Variants in OTOGL observed in about 807,000 individuals in gnomAD.
OTOGL encodes otogelin like.
OTOGL carries 285 observed loss-of-function variants against 318.5 expected under a neutral mutation model. The observed-to-expected ratio is 0.89, with a 90% CI of 0.81 to 0.99. The LOEUF is 0.99. OTOGL is among the 50% of genes least tolerant of loss of function. OTOGL has a pLI of 0.00. For synonymous variants in OTOGL, 987 were observed against 936.5 expected (o/e 1.05, Z -0.99); for missense variants, 2,899 against 2,845.6 (o/e 1.02, Z -0.43).
rs75306045 is a variant in OTOGL, at chr12:80,172,000, A to G, written c.-19-37413A>G. 1.3e-3 allele frequency among the ~76,000 whole-genome samples: 192 copies of G among 152,284 alleles called. 3 individuals carry two copies. In the East Asian group the frequency reaches 0.031, roughly 25 times the overall value. On this transcript the variant is annotated intron_variant, in intron 1 of 58. Transcript: ENST00000547103. The stretch of plus-strand genomic sequence containing the variant: ...TTCCAAGATAGACATATAATGCTAT[A>G]AGTTTTTATCTAGGTACTGCTTTAA...
At chr12:80,357,242 T>C (rs1181910634) in intron 49 of OTOGL, among the ~76,000 whole-genome samples, 3 of 152,184 alleles carry the variant, frequency 2.0e-5, no homozygotes, top group Non-Finnish European at 4.4e-5. Flanking sequence ...AATAATGGGC[T>C]CTGCTAAGAC....
At chr12:80,363,404 A>T (rs1031701458) in intron 52 of OTOGL, among the ~76,000 whole-genome samples, 5 of 152,184 alleles carry the variant, frequency 3.3e-5, no homozygotes, top group African/African-American at 1.2e-4. Context: ...AGGGCAGGAG[A>T]TCAGCAAAGA....
intron 17 of OTOGL, 83 bp downstream of exon 17, chr12:80,256,543 ATC>A: frequency 6.8e-7 from 1 of 1,465,190 alleles, no homozygotes; most frequent in Non-Finnish European, 9.1e-7. Context: ...ACAAAATGGG[ATC>A]TTTTCCTAAT....
At chr12:80,359,961 C>G (rs79171001) in intron 52 of OTOGL, among the ~76,000 whole-genome samples, 8,182 of 152,244 alleles carry the variant, frequency 0.054, 299 homozygotes, top group Middle Eastern at 0.14. Flanking sequence ...ATTGGCTAAG[C>G]TTTTCAGGGT....
chr12:80,253,933 T>C (rs543118526), intron 14 of OTOGL, among the ~76,000 whole-genome samples: 185 of 152,222 alleles, frequency 1.2e-3, no homozygotes, highest in African/African-American at 4.3e-3. Flanking sequence ...TTTTGGTCCA[T>C]GATTAGAAAC....
At chr12:80,359,827 A>G (rs1406987836) in intron 52 of OTOGL, among the ~76,000 whole-genome samples, 1 of 152,202 alleles carries the variant, frequency 6.6e-6, no homozygotes, top group Non-Finnish European at 1.5e-5. Flanking sequence ...TTATGATGCC[A>G]TGTATTTCTC....
chr12:80,345,718 A>C (rs1889156368), intron 44 of OTOGL, among the ~76,000 whole-genome samples: 1 of 152,178 alleles, frequency 6.6e-6, no homozygotes, highest in East Asian at 1.9e-4. Context: ...AAATACTATA[A>C]AAAAGTTTGA....
chr12:80,110,458 G>C (rs1301062216), intron 1 of OTOGL, among the ~76,000 whole-genome samples: 3 of 152,116 alleles, frequency 2.0e-5, no homozygotes, highest in Admixed American at 2.0e-4. Context: ...CTGTGCCCAT[G>C]TGTTCTCATT....
chr12:80,101,518 A>G lies in OTOGL; in HGVS notation c.-20+1913A>G, dbSNP rs957995176. Reference sequence around the variant, plus strand: ...TATGTTCTATCACAACTGCATTATAATTCAATTAATGTAAAATAAGACAAA... The same window carrying G: ...TATGTTCTATCACAACTGCATTATAGTTCAATTAATGTAAAATAAGACAAA... On this transcript the variant is annotated intron_variant, in intron 1 of 58. Coordinates refer to ENST00000547103, the MANE Select transcript of OTOGL (RefSeq NM_001378609.3). 2.0e-5 allele frequency among the ~76,000 whole-genome samples: 3 copies of G among 152,184 alleles called. No homozygotes were observed. The East Asian group carries it at 5.8e-4, about 29-fold the overall frequency.
At chr12:80,235,920 T>C (rs1249478697) in intron 9 of OTOGL, among the ~76,000 whole-genome samples, 2 of 152,168 alleles carry the variant, frequency 1.3e-5, no homozygotes, top group East Asian at 3.9e-4. Context: ...CATAGTATAA[T>C]AATGCAAGAA....
At chr12:80,117,273 A>G (rs151201133) in intron 1 of OTOGL, among the ~76,000 whole-genome samples, 1 of 152,076 alleles carries the variant, frequency 6.6e-6, no homozygotes. Flanking sequence ...AAAAATATAT[A>G]TATATAAAAT....
intron 1 of OTOGL, among the ~76,000 whole-genome samples, chr12:80,200,630 A>T (rs1876390076): frequency 6.6e-6 from 1 of 152,220 alleles, no homozygotes; most frequent in South Asian, 2.1e-4. Context: ...TGGAGGAGTT[A>T]GCTTCGTCTA....
Position 80,358,706 on chromosome 12 carries a change from A to T in OTOGL, c.6157A>T (p.Asn2053Tyr). ...AAACCTTTGTCCTATGCCATTACTC[A>T]ACTGTGCAGAAGATATGAATCTTGT... is the stretch of plus-strand genomic sequence containing the variant. ...EPNLCPMPLL[N>Y]CAEDMNLVKE... The change falls in exon 51 of 59, where the codon AAC (asparagine) becomes TAC (tyrosine). Residue 2053 changes from asparagine (N) to tyrosine (Y), a missense_variant. This residue lies in a region of OTOGL where 2,607 missense variants were observed against 2,524.9 expected (regional missense o/e 1.03). Transcript: ENST00000547103. 1 of 1,613,262 alleles carries T rather than the reference A, an allele frequency of 6.2e-7. No homozygotes were observed. Among genetic ancestry groups the T allele is most frequent in the Non-Finnish European group, 8.5e-7 (1 of 1,179,440 alleles).
intron 46 of OTOGL, among the ~76,000 whole-genome samples, chr12:80,354,832 T>G (rs1163458224): frequency 1.3e-5 from 2 of 152,168 alleles, no homozygotes; most frequent in African/African-American, 4.8e-5. Context: ...TCATTATTAT[T>G]CCTTAAAAGA....
chr12:80,162,506 G>A (rs1873580952), intron 1 of OTOGL, among the ~76,000 whole-genome samples: 1 of 152,018 alleles, frequency 6.6e-6, no homozygotes, highest in East Asian at 1.9e-4. Context: ...CAAATTTATT[G>A]TCTGGGTTTT....
At position 80,278,233 on chromosome 12, in the gene OTOGL, A is replaced by G; in HGVS notation, c.2747A>G (p.Glu916Gly). Residue 916 changes from glutamate (E) to glycine (G), a missense_variant, in exon 25 of 59, where the codon GAG (glutamate) becomes GGG (glycine). This residue lies in a region of OTOGL where 2,607 missense variants were observed against 2,524.9 expected (regional missense o/e 1.03). Transcript: ENST00000547103. ...ESCPCIWKDW[E>G]YLSGEVIATP... ...TGCCCATGTATTTGGAAAGATTGGG[A>G]GTATCTCTCAGGAGAAGTGATTGCT... is the stretch of plus-strand genomic sequence containing the variant. 1 of 1,546,626 alleles carries G rather than the reference A, an allele frequency of 6.5e-7. No homozygotes were observed. The highest frequency in any genetic ancestry group is 1.4e-5 in the African/African-American group (1 of 72,926).
intron 1 of OTOGL, among the ~76,000 whole-genome samples, chr12:80,137,876 A>T (rs1471614822): frequency 6.6e-6 from 1 of 152,136 alleles, no homozygotes; most frequent in African/African-American, 2.4e-5. Flanking sequence ...CACGTTGATA[A>T]AAATGGAGCT....
intron 49 of OTOGL, 44 bp downstream of exon 49, chr12:80,356,958 T>G (rs1459139970): frequency 3.2e-6 from 4 of 1,246,476 alleles, no homozygotes; most frequent in African/African-American, 1.8e-5. Flanking sequence ...AGAAAGGATC[T>G]AGGAAAAAAA....
At chr12:80,103,296 T>C in intron 1 of OTOGL, 1 of 1,593,784 alleles carries the variant, frequency 6.3e-7, no homozygotes, top group South Asian at 1.1e-5. Flanking sequence ...TTTGCGATTC[T>C]TGCTTCGGTC....
Sources: gnomAD v4.1 joint callset for allele counts (sites outside exome capture counted in the v4.1 genomes callset) on GRCh38, gnomAD v4.1.1 for gene constraint, gnomAD v4.1.1 regional missense constraint, MANE v1.5 for transcripts, NCBI Gene and HGNC (gene_info 2026-07-23, HGNC 2026-07-21) for gene names.